SDK1: variants seen among roughly 807,000 people sequenced by gnomAD.
SDK1 encodes the protein protein sidekick-1.
SDK1 carries 157 observed loss-of-function variants against 245.5 expected under a neutral mutation model. The ratio of observed to expected loss-of-function variants is 0.64; its 90% CI spans 0.56 to 0.73. The LOEUF is 0.73. Among genes scored for constraint, SDK1 ranks in the 30% least tolerant of loss-of-function variants. The pLI, the probability that SDK1 is intolerant of heterozygous loss-of-function variation, is 0.00. For synonymous variants in SDK1, 1,647 were observed against 1,278.5 expected (o/e 1.29, Z -6.15); for missense variants, 3,583 against 3,002.3 (o/e 1.19, Z -4.52).
At chr7:4,057,160 G>C (rs991151054) in intron 19 of SDK1, among the ~76,000 whole-genome samples, 1 of 151,876 alleles carries the variant, frequency 6.6e-6, no homozygotes, top group East Asian at 2.0e-4. Context: ...GCCCTACCAA[G>C]TGTTCTGCCA....
chr7:3,522,199 TCTC>T (rs1331099495), intron 1 of SDK1, among the ~76,000 whole-genome samples: 1 of 152,200 alleles, frequency 6.6e-6, no homozygotes, highest in Non-Finnish European at 1.5e-5. Context: ...GATGCATCTT[TCTC>T]CTCTGTCAGG....
intron 4 of SDK1, among the ~76,000 whole-genome samples, chr7:3,683,961 C>T (rs901379758): frequency 1.3e-5 from 2 of 152,168 alleles, no homozygotes; most frequent in Non-Finnish European, 2.9e-5. Context: ...GAGAAAAGCA[C>T]CCCCTTCATC....
At chr7:4,098,057 C>T (rs1011113958) in intron 22 of SDK1, among the ~76,000 whole-genome samples, 3 of 152,102 alleles carry the variant, frequency 2.0e-5, no homozygotes, top group African/African-American at 4.8e-5. Flanking sequence ...CTTGGTTGCT[C>T]GACTGTCCAT....
intron 1 of SDK1, among the ~76,000 whole-genome samples, chr7:3,576,557 A>AT (rs1184893745): frequency 2.6e-5 from 4 of 152,054 alleles, no homozygotes; most frequent in Non-Finnish European, 5.9e-5. Flanking sequence ...AAATAATTGG[A>AT]TTTTTTGGTT....
At chr7:3,809,265 A>G (rs191515005) in intron 4 of SDK1, among the ~76,000 whole-genome samples, 8 of 152,262 alleles carry the variant, frequency 5.3e-5, no homozygotes, top group Admixed American at 2.6e-4. Flanking sequence ...AGAAGTCACT[A>G]TCGTGAGGAC....
rs138273032 is a variant in SDK1, at chr7:3,686,279, T to A, written c.713+44174T>A. Among the ~76,000 whole-genome samples, 29 of 152,324 alleles carry A rather than the reference T, an allele frequency of 1.9e-4. No homozygotes were observed. The East Asian group carries it at 5.4e-3, about 28-fold the overall frequency. On this transcript the variant is annotated intron_variant, in intron 4 of 44. Transcript: ENST00000404826. ...TTAGTAGAGACGGGGTTTCACCATG[T>A]TGGTCAGGCTGGTCTTGAACTCCTG...
At chr7:3,556,956 ATATT>A (rs1779607131) in intron 1 of SDK1, among the ~76,000 whole-genome samples, 1 of 152,134 alleles carries the variant, frequency 6.6e-6, no homozygotes, top group Non-Finnish European at 1.5e-5. Flanking sequence ...TACCCCTTAA[ATATT>A]TACACATACT....
rs375358605 is a variant in SDK1, at chr7:4,051,704, G to A, written c.2785G>A (p.Gly929Arg). 13 of 1,613,382 alleles carry A rather than the reference G, an allele frequency of 8.1e-6. No individual in the cohort carries two copies. Among genetic ancestry groups the A allele is most frequent in the East Asian group, 4.5e-5 (2 of 44,842 alleles). The change falls in exon 19 of 45, where the codon GGA becomes AGA. Residue 929 changes from glycine to arginine, a missense_variant. By Grantham distance (125) the Gly-to-Arg change is moderately radical (BLOSUM62 -2). Coordinates refer to ENST00000404826, the MANE Select transcript of SDK1 (RefSeq NM_152744.4). ...TVVTIAPDFH[G>R]VHHGHITNLK... ...GGTCACTATTGCCCCAGATTTCCAC[G>A]GAGTCCACCATGGACACATAACGAA...
chr7:3,492,561 T>C (rs1270197639), intron 1 of SDK1, among the ~76,000 whole-genome samples: 1 of 152,196 alleles, frequency 6.6e-6, no homozygotes, highest in African/African-American at 2.4e-5. Context: ...GGATACTAAA[T>C]AAAGAGTGGA....
chr7:4,212,562 G>A (rs1218555987), intron 38 of SDK1, among the ~76,000 whole-genome samples: 1 of 152,354 alleles, frequency 6.6e-6, no homozygotes, highest in Non-Finnish European at 1.5e-5. Flanking sequence ...GCCAGGATCT[G>A]TTGTGACCTT....
intron 9 of SDK1, among the ~76,000 whole-genome samples, chr7:3,965,582 G>C (rs1209582514): frequency 6.6e-6 from 1 of 152,192 alleles, no homozygotes; most frequent in Non-Finnish European, 1.5e-5. Context: ...GCAAGCGGCT[G>C]CTGAGCATCT....
chr7:3,417,648 T>C (rs1220746367), intron 1 of SDK1, among the ~76,000 whole-genome samples: 1 of 152,230 alleles, frequency 6.6e-6, no homozygotes, highest in Non-Finnish European at 1.5e-5. Context: ...ATCAAATATT[T>C]ATGCTATGAT....
At chr7:4,223,405 C>T (rs554705807) in intron 40 of SDK1, among the ~76,000 whole-genome samples, 3 of 152,298 alleles carry the variant, frequency 2.0e-5, no homozygotes, top group South Asian at 2.1e-4. Context: ...TTCTGGAGGC[C>T]GGAAGCCCAC....
chr7:3,407,292 A>G (rs776353744), intron 1 of SDK1, among the ~76,000 whole-genome samples: 8 of 152,158 alleles, frequency 5.3e-5, no homozygotes, highest in African/African-American at 1.7e-4. Context: ...CCATTACCCA[A>G]TGTTGTGTTC....
At chr7:3,382,887 A>G (rs1285304670) in intron 1 of SDK1, among the ~76,000 whole-genome samples, 1 of 152,102 alleles carries the variant, frequency 6.6e-6, no homozygotes, top group Non-Finnish European at 1.5e-5. Flanking sequence ...TTTATTGTAT[A>G]TTTGTTGACT....
At chr7:3,736,300 G>C (rs1387880184) in intron 4 of SDK1, among the ~76,000 whole-genome samples, 2 of 152,040 alleles carry the variant, frequency 1.3e-5, no homozygotes, top group African/African-American at 2.4e-5. Flanking sequence ...TTAAGGTTTT[G>C]TTTTGTTTTG....
At chr7:3,456,789 A>G (rs1451842252) in intron 1 of SDK1, among the ~76,000 whole-genome samples, 2 of 152,128 alleles carry the variant, frequency 1.3e-5, no homozygotes, top group African/African-American at 4.8e-5. Context: ...TCTCTTGGAC[A>G]TTTTGGCTGT....
rs78129249 is a variant in SDK1 at position 3,740,053 on chromosome 7, A to C, written c.714-81397A>C. ...CTAATAACTGGATACAGGTTTCTTT[A>C]AATTATTTGAGGGATAAATCTCCAA... On this transcript the variant is annotated intron_variant, in intron 4 of 44. Coordinates refer to ENST00000404826, the MANE Select transcript of SDK1 (RefSeq NM_152744.4). Among the ~76,000 whole-genome samples the C allele has an allele frequency of 5.4e-3, 818 of 152,218 alleles. 6 individuals are homozygous for C. Among genetic ancestry groups the C allele is most frequent in the African/African-American group, 0.019 (769 of 41,520 alleles).
intron 1 of SDK1, among the ~76,000 whole-genome samples, chr7:3,579,995 A>G (rs1780429780): frequency 6.6e-6 from 1 of 152,224 alleles, no homozygotes; most frequent in African/African-American, 2.4e-5. Flanking sequence ...CTATACACCA[A>G]CAACATCCAA....
Sources: gnomAD v4.1 joint callset for allele counts (sites outside exome capture counted in the v4.1 genomes callset) on GRCh38, gnomAD v4.1.1 for gene constraint, MANE v1.5 for transcripts, NCBI Gene and HGNC (gene_info 2026-07-23, HGNC 2026-07-21) for gene names.